Variants in ARHGAP28 observed in about 807,000 individuals in gnomAD.
ARHGAP28 encodes the protein rho GTPase-activating protein 28.
A neutral mutation model predicts 90.7 loss-of-function variants in ARHGAP28; 56 were observed. The observed-to-expected ratio is 0.62, with a 90% CI of 0.50 to 0.77. The LOEUF (loss-of-function observed/expected upper bound fraction) is 0.77, where lower values mean the gene tolerates loss of function less well. Ranked by LOEUF, ARHGAP28 falls within the 30% of genes least tolerant of loss-of-function variation. The pLI is 0.00. For missense variants in ARHGAP28, 869 were observed against 900.9 expected, an observed-to-expected ratio of 0.96 and a Z score of 0.45; for synonymous variants, 308 against 323.3, an observed-to-expected ratio of 0.95 and a Z score of 0.51.
At chr18:6,867,193 A>G (rs898857005) in intron 5 of ARHGAP28, among the ~76,000 whole-genome samples, 1 of 152,208 alleles carries the variant, frequency 6.6e-6, no homozygotes, top group Non-Finnish European at 1.5e-5. Flanking sequence ...ATAAAATAGG[A>G]ATAAAAGGAG....
At chr18:6,828,436 C>T (rs560752897) in intron 2 of ARHGAP28, among the ~76,000 whole-genome samples, 1 of 152,044 alleles carries the variant, frequency 6.6e-6, no homozygotes, top group African/African-American at 2.4e-5. Flanking sequence ...TAATCAGGTC[C>T]CACTTGTCAA....
chr18:6,902,402 A>G (rs1457387676), intron 16 of ARHGAP28, among the ~76,000 whole-genome samples: 2 of 152,210 alleles, frequency 1.3e-5, no homozygotes, highest in African/African-American at 4.8e-5. Context: ...CTAAAATTAA[A>G]TATTTATTTT....
At chr18:6,793,567 T>G (rs2056420791) in intron 1 of ARHGAP28, among the ~76,000 whole-genome samples, 1 of 152,122 alleles carries the variant, frequency 6.6e-6, no homozygotes, top group African/African-American at 2.4e-5. Context: ...TTCAGGAAAC[T>G]ATTTGAATGT....
chr18:6,884,379 A>C (rs1463984511), intron 11 of ARHGAP28, among the ~76,000 whole-genome samples: 1 of 152,152 alleles, frequency 6.6e-6, no homozygotes, highest in Non-Finnish European at 1.5e-5. Context: ...GTCTCAAAAA[A>C]GAAAAAAAAG....
chr18:6,865,849 G>T (rs566809499), intron 5 of ARHGAP28, among the ~76,000 whole-genome samples: 1 of 152,150 alleles, frequency 6.6e-6, no homozygotes, highest in South Asian at 2.1e-4. Flanking sequence ...GAAAACACCC[G>T]TTGTGATTCT....
chr18:6,850,782 G>T, intron 3 of ARHGAP28: 1 of 1,511,728 alleles, frequency 6.6e-7, no homozygotes, highest in South Asian at 1.3e-5. Context: ...AAAAGAAAGT[G>T]GGTTTTGGCA....
chr18:6,739,645 T>TTCTCTCTCTCTCTCTCTCTCTC (rs138884918), intron 1 of ARHGAP28, among the ~76,000 whole-genome samples: 1 of 144,978 alleles, frequency 6.9e-6, no homozygotes, highest in African/African-American at 2.6e-5. Context: ...TGACTAAGCT[T>TTCTCTCTCTCTCTCTCTCTCTC]TCTCTCTCTC....
chr18:6,781,002 G>T (rs1481754316), intron 1 of ARHGAP28, among the ~76,000 whole-genome samples: 1 of 151,976 alleles, frequency 6.6e-6, no homozygotes, highest in African/African-American at 2.4e-5. Flanking sequence ...CTAACTCTGA[G>T]CCCCCACTTC....
chr18:6,738,278 AATTTACTTATATACATTTATAT>A (rs1416704411), intron 1 of ARHGAP28, among the ~76,000 whole-genome samples: 2 of 152,032 alleles, frequency 1.3e-5, no homozygotes, highest in South Asian at 2.1e-4. Context: ...GTTAGCCACA[AATTTACTTATATACATTTATAT>A]ATTTACTTAT....
At chr18:6,887,349 T>C in intron 12 of ARHGAP28, 110 bp downstream of exon 12, 3 of 928,736 alleles carry the variant, frequency 3.2e-6, no homozygotes, top group Non-Finnish European at 5.1e-6. Context: ...CACCTGAGCA[T>C]GCTGCAAACA....
intron 2 of ARHGAP28, among the ~76,000 whole-genome samples, chr18:6,826,603 G>A (rs889045361): frequency 3.3e-5 from 5 of 150,380 alleles, no homozygotes; most frequent in African/African-American, 4.9e-5. Flanking sequence ...TCCCACGAGC[G>A]CGTATGAGCC....
rs2057129929 is a variant in ARHGAP28, at chr18:6,876,218, A to T, written c.1290+10A>T. 1 of 1,611,700 alleles carries T rather than the reference A, an allele frequency of 6.2e-7. No individual in the cohort carries two copies. Among genetic ancestry groups the T allele is most frequent in the South Asian group, 1.1e-5 (1 of 91,022 alleles). The stretch of plus-strand genomic sequence containing the variant: ...TACTGCTAAAGTCAAGGTACCGAAC[A>T]TTTTGTCTCTTCCTAGGTAGAGTTC... On this transcript the variant is annotated intron_variant, in intron 10 of 17. Coordinates refer to ENST00000383472, the MANE Select transcript of ARHGAP28 (RefSeq NM_001366230.1).
Position 6,912,233 on chromosome 18 carries a change from G to C in ARHGAP28, c.*79G>C, listed in dbSNP as rs906495209. On this transcript the variant is annotated 3_prime_UTR_variant, in exon 18 of 18. Transcript: ENST00000383472. The stretch of plus-strand genomic sequence containing the variant: ...TTTGGTAGGGAAAAAACAACACTGT[G>C]TTTGACGTATTTGTTCCTACAGCAT... 31 of 780,422 alleles carry C rather than the reference G, an allele frequency of 4.0e-5. No individual in the cohort carries two copies. The highest frequency in any genetic ancestry group is 5.7e-5 in the Non-Finnish European group (28 of 489,768). The allele number at this position is 780,422 out of a possible 1,614,324, so 48.3% of individuals were successfully genotyped here. A position where few individuals can be genotyped will look rare whatever the true frequency, so the allele number is the denominator to read the frequency against.
At chr18:6,855,720 C>T (rs2056947589) in intron 4 of ARHGAP28, among the ~76,000 whole-genome samples, 1 of 152,252 alleles carries the variant, frequency 6.6e-6, no homozygotes, top group Non-Finnish European at 1.5e-5. Context: ...CTCTCTGAGC[C>T]AGGGCTGTGA....
At chr18:6,772,708 A>T (rs181263820) in intron 1 of ARHGAP28, among the ~76,000 whole-genome samples, 5 of 151,876 alleles carry the variant, frequency 3.3e-5, no homozygotes, top group Non-Finnish European at 5.9e-5. Flanking sequence ...CAGTATTTTC[A>T]ATTTGTGATG....
chr18:6,792,135 A>T lies in ARHGAP28; in HGVS notation c.123-32627A>T, dbSNP rs557137240. Among the ~76,000 whole-genome samples, 194 of 152,284 alleles carry T rather than the reference A, an allele frequency of 1.3e-3. 1 individual carries two copies. The highest frequency in any genetic ancestry group is 4.4e-3 in the African/African-American group (184 of 41,564). ...AATTTGTAGATTCAGAAAGCAAATCATGGTTACCTGGAGATGGACGTAGAG... is the reference window on the plus strand; with the variant it reads ...AATTTGTAGATTCAGAAAGCAAATCTTGGTTACCTGGAGATGGACGTAGAG... On this transcript the variant is annotated intron_variant, in intron 1 of 17. Transcript: ENST00000383472.
chr18:6,894,879 G>C lies in ARHGAP28; in HGVS notation c.1893G>C (p.Ser631=). 1 of 1,613,880 alleles carries C rather than the reference G, an allele frequency of 6.2e-7. No individual in the cohort carries two copies. Among genetic ancestry groups the C allele is most frequent in the African/African-American group, 1.3e-5 (1 of 74,956 alleles). Residue 631 remains serine (S), a synonymous_variant, in exon 15 of 18, where the codon TCG becomes TCC. Transcript: ENST00000383472. ...CAAAGGTACTGCAAAAATCACCCTC[G>C]GCAAGACGAATGGTAAGAAAAATAA... is the stretch of plus-strand genomic sequence containing the variant. ...KTSKVLQKSP[S]ARRMSDVPEG... is the part of the protein sequence containing the mutation.
rs1451621102 is a variant in ARHGAP28 at position 6,802,044 on chromosome 18, A to G, written c.123-22718A>G. Among the ~76,000 whole-genome samples, 4 of 152,330 alleles carry G rather than the reference A, an allele frequency of 2.6e-5. No homozygotes were observed. The East Asian group carries it at 7.7e-4, about 29-fold the overall frequency. On this transcript the variant is annotated intron_variant, in intron 1 of 17. Transcript: ENST00000383472. ...CTGTACTTGGCTTATTTCATTTAACATAATGACGTCCAGTTCCATCCATGT... is the reference window on the plus strand; with the variant it reads ...CTGTACTTGGCTTATTTCATTTAACGTAATGACGTCCAGTTCCATCCATGT...
Position 6,914,976 on chromosome 18 carries a change from A to G in ARHGAP28, c.*2822A>G, listed in dbSNP as rs548867573. The G allele has an allele frequency of 1.1e-4, 16 of 150,214 alleles. No homozygotes were observed. In the South Asian group the frequency reaches 1.3e-3, roughly 12 times the overall value. 9.3% of individuals were successfully genotyped at this position (150,214 alleles called of 1,614,324 possible). On this transcript the variant is annotated 3_prime_UTR_variant, in exon 18 of 18. Coordinates refer to ENST00000383472, the MANE Select transcript of ARHGAP28 (RefSeq NM_001366230.1). ...AACTACCTCACTTGCCTTTCTTGGG[A>G]AAAAAAAAATGAATGGACTTTAACA...
Sources: gnomAD v4.1 joint callset for allele counts (sites outside exome capture counted in the v4.1 genomes callset) on GRCh38, gnomAD v4.1.1 for gene constraint, MANE v1.5 for transcripts, NCBI Gene and HGNC (gene_info 2026-07-23, HGNC 2026-07-21) for gene names.